Variants in CLIP1 observed in about 807,000 individuals in gnomAD.
The protein encoded by CLIP1 is CAP-Gly domain-containing linker protein 1.
In CLIP1, 66 loss-of-function variants were observed where a neutral mutation model predicts 161.6. The ratio of observed to expected loss-of-function variants is 0.41; its 90% CI spans 0.33 to 0.50. The LOEUF is 0.50. Ranked by LOEUF, CLIP1 falls within the 20% of genes least tolerant of loss-of-function variation. CLIP1 has a pLI of 0.27. For missense variants in CLIP1, 1,376 were observed against 1,702.0 expected, an observed-to-expected ratio of 0.81 and a Z score of 3.37; for synonymous variants, 598 against 626.2, an observed-to-expected ratio of 0.96 and a Z score of 0.67.
rs7972227 is a variant in CLIP1 at position 122,276,406 on chromosome 12, G to A, written c.3966+1748C>T. The stretch of plus-strand genomic sequence containing the variant: ...ACCACACACACACACACACACACAC[G>A]TGTGCACGCAAATTAGGAAACATGA... On this transcript the variant is annotated intron_variant, in intron 24 of 25. Transcript: ENST00000620786. 22,686 of 916,800 alleles carry A rather than the reference G, an allele frequency of 0.025. 3,014 individuals are homozygous for A. In the African/African-American group the frequency reaches 0.42, roughly 17 times the overall value. The allele number at this position is 916,800 out of a possible 1,614,324, so 56.8% of individuals were successfully genotyped here.
chr12:122,383,848 A>C (rs1212668061), intron 1 of CLIP1, among the ~76,000 whole-genome samples: 6 of 152,158 alleles, frequency 3.9e-5, no homozygotes, highest in East Asian at 1.9e-4. Context: ...CAAAACAAAA[A>C]AAAAAAGACA....
rs975549857 is a variant in CLIP1 at position 122,278,206 on chromosome 12, T to C, written c.3917-3A>G. ...GTCTGCCTGAGTGTCTGTATTACCT[T>C]ATATTTGAGGAAAAAAAAAAAAAAA... On this transcript the variant is annotated splice_region_variant and splice_polypyrimidine_tract_variant and intron_variant, in intron 23 of 25. Transcript: ENST00000620786. 1.4e-5 allele frequency: 22 copies of C among 1,559,888 alleles called. No homozygotes were observed. Among genetic ancestry groups the C allele is most frequent in the Non-Finnish European group, 1.8e-5 (21 of 1,164,896 alleles).
rs377320132 is a variant in CLIP1 at position 122,333,009 on chromosome 12, C to T, written c.2845G>A (p.Asp949Asn). ...TACCTTTCTTTCAGACGTAATTCATCGTTCATTTTTGTCAGCTGAGAAGAG... is the reference window on the plus strand; with the variant it reads ...TACCTTTCTTTCAGACGTAATTCATTGTTCATTTTTGTCAGCTGAGAAGAG... ...DNSSQLTKMN[D>N]ELRLKERDVE... is the part of the protein sequence containing the mutation. Residue 949 changes from aspartate to asparagine, a missense_variant, in exon 15 of 26, where the codon GAT becomes AAT. By Grantham distance (23) the Asp-to-Asn change is conservative. This residue lies in a region of CLIP1 where 948 missense variants were observed against 1,134.8 expected (regional missense o/e 0.84). Coordinates refer to ENST00000620786, the MANE Select transcript of CLIP1 (RefSeq NM_001247997.2). 1.6e-5 allele frequency: 26 copies of T among 1,613,294 alleles called. No homozygotes were observed. The highest frequency in any genetic ancestry group is 2.2e-5 in the South Asian group (2 of 90,878).
At chr12:122,296,838 T>C (rs1361182773) in intron 20 of CLIP1, among the ~76,000 whole-genome samples, 1 of 125,814 alleles carries the variant, frequency 7.9e-6, no homozygotes, top group Non-Finnish European at 1.6e-5. Flanking sequence ...CACGCTAGCC[T>C]GGGTGACAAA....
Position 122,341,637 on chromosome 12 carries a change from C to T in CLIP1, c.1567G>A (p.Val523Ile). 1 of 1,612,654 alleles carries T rather than the reference C, an allele frequency of 6.2e-7. No homozygotes were observed. Among genetic ancestry groups the T allele is most frequent in the South Asian group, 1.1e-5 (1 of 91,056 alleles). The change falls in exon 11 of 26, where the codon GTA becomes ATA. Residue 523 changes from valine to isoleucine, a missense_variant. Physicochemically the swap from Val to Ile is conservative, Grantham distance 29. Transcript: ENST00000620786. ...CTTCGGAGCTCAGCTACTTCCTGTA[C>T]TCTCAATGCTAGGTCTTTCTCCAGT... The part of the protein sequence containing the change: ...MELEKDLALR[V>I]QEVAELRRRL...
chr12:122,403,499 G>GT (rs11302150), intron 1 of CLIP1, among the ~76,000 whole-genome samples: 16 of 72,340 alleles, frequency 2.2e-4, no homozygotes, highest in African/African-American at 6.8e-4. Context: ...TTCTTGTTTT[G>GT]TTTTTTTTTT....
At chr12:122,300,699 C>A (rs1366808912) in intron 20 of CLIP1, among the ~76,000 whole-genome samples, 1 of 152,104 alleles carries the variant, frequency 6.6e-6, no homozygotes, top group Non-Finnish European at 1.5e-5. Context: ...TGAGTAGCCG[C>A]CCGTATTGAA....
chr12:122,415,887 C>T (rs573425536), intron 1 of CLIP1, among the ~76,000 whole-genome samples: 4 of 152,116 alleles, frequency 2.6e-5, no homozygotes, highest in South Asian at 2.1e-4. Flanking sequence ...TTACAAGGTG[C>T]GCAATTCCAG....
In CLIP1 at chr12:122,292,119, G is replaced by A. The variant is rs182215339; in HGVS notation, c.3595-3578C>T. On this transcript the variant is annotated intron_variant, in intron 20 of 25. Transcript: ENST00000620786. ...CAATTCTCGTGCCTCAGCCTCCCAA[G>A]TAGCTGGGATTACAGGCATGTGTCA... Among the ~76,000 whole-genome samples, 52 of 151,750 alleles carry A rather than the reference G, an allele frequency of 3.4e-4. 1 individual carries two copies. Among genetic ancestry groups the A allele is most frequent in the South Asian group, 1.3e-3 (6 of 4,796 alleles).
rs970226552 is a variant in CLIP1, at chr12:122,311,835, G to T, written c.3474-1953C>A. Among the ~76,000 whole-genome samples, 1 of 152,154 alleles carries T rather than the reference G, an allele frequency of 6.6e-6. No homozygotes were observed. The highest frequency in any genetic ancestry group is 1.5e-5 in the Non-Finnish European group (1 of 68,036). On this transcript the variant is annotated intron_variant, in intron 19 of 25. Transcript: ENST00000620786. This position sits in a 1 kb window ranked among gnomAD's most constrained non-coding sequence, Gnocchi z 4.3. ...GTTTTAATGAGAAGACTGAAGCTCC[G>T]GGAAGTAAACAGATTTGCCCCAAAT...
chr12:122,274,380 G>T, intron 24 of CLIP1: 1 of 464,260 alleles, frequency 2.2e-6, no homozygotes, highest in Non-Finnish European at 3.9e-6. Flanking sequence ...ATGTCTAGGT[G>T]GTAAGGCTAT....
At chr12:122,288,443 C>T in intron 21 of CLIP1, 46 bp downstream of exon 21, 1 of 1,507,616 alleles carries the variant, frequency 6.6e-7, no homozygotes, top group African/African-American at 1.4e-5. Flanking sequence ...CATGTTCTGA[C>T]ATCTTATTAA....
chr12:122,352,287 C>T (rs1953077082), intron 8 of CLIP1, among the ~76,000 whole-genome samples: 1 of 152,102 alleles, frequency 6.6e-6, no homozygotes. Context: ...GAACTCCTGA[C>T]CTCGGGTGAT....
Position 122,361,127 on chromosome 12 carries a change from G to A in CLIP1, c.837C>T (p.Thr279=). 1.9e-6 allele frequency: 3 copies of A among 1,614,212 alleles called. No homozygotes were observed. Among genetic ancestry groups the A allele is most frequent in the East Asian group, 2.2e-5 (1 of 44,888 alleles). The stretch of plus-strand genomic sequence containing the variant: ...GTGTAGTGGAAGGGAAGCCAATCTT[G>A]GTAACTTTGTGGACAGGAGCGAACA... The part of the protein sequence containing the change: ...YGLFAPVHKV[T]KIGFPSTTPA... The change falls in exon 5 of 26, where the codon ACC becomes ACT. Residue 279 remains threonine (T), a synonymous_variant. Coordinates refer to ENST00000620786, the MANE Select transcript of CLIP1 (RefSeq NM_001247997.2).
At chr12:122,399,159 A>G (rs1956052872) in intron 1 of CLIP1, 1 of 152,194 alleles carries the variant, frequency 6.6e-6, no homozygotes, top group African/African-American at 2.4e-5. Flanking sequence ...CTGGACTAGG[A>G]AGTGAGACAC....
chr12:122,415,743 C>T (rs1413201004), intron 1 of CLIP1, among the ~76,000 whole-genome samples: 12 of 151,010 alleles, frequency 7.9e-5, no homozygotes, highest in African/African-American at 2.9e-4. Context: ...TGCTTGAACC[C>T]GGGAGGCAGA....
chr12:122,414,487 G>A (rs1055775546), intron 1 of CLIP1, among the ~76,000 whole-genome samples: 5 of 151,328 alleles, frequency 3.3e-5, no homozygotes, highest in African/African-American at 7.3e-5. Flanking sequence ...TTTTTGAGAC[G>A]GAGTTTCTAT....
At chr12:122,325,349 C>A (rs1488935852) in intron 17 of CLIP1, among the ~76,000 whole-genome samples, 1 of 152,056 alleles carries the variant, frequency 6.6e-6, no homozygotes, top group Non-Finnish European at 1.5e-5. Flanking sequence ...TGAGCCACCA[C>A]GCCCAGCTGA....
intron 1 of CLIP1, among the ~76,000 whole-genome samples, chr12:122,413,468 T>G (rs1956614523): frequency 6.6e-6 from 1 of 152,196 alleles, no homozygotes; most frequent in Admixed American, 6.6e-5. Flanking sequence ...TCGGCAATTT[T>G]AAGTGTTAAA....
Sources: allele counts gnomAD v4.1 joint callset (sites outside exome capture counted in the v4.1 genomes callset), GRCh38; gene constraint gnomAD v4.1.1; regional missense constraint gnomAD v4.1.1; non-coding constraint Gnocchi (gnomAD v3.1); transcripts MANE v1.5; gene names NCBI Gene and HGNC (gene_info 2026-07-23, HGNC 2026-07-21).